Variants in SLC41A2 observed in about 807,000 individuals in gnomAD.
SLC41A2 encodes SLC41A1-like 1.
Under a neutral mutation model 58.3 loss-of-function variants are expected in SLC41A2, and 32 were observed. The observed-to-expected ratio is 0.55, with a 90% CI of 0.41 to 0.74. The LOEUF is 0.74. Among genes scored for constraint, SLC41A2 ranks in the 30% least tolerant of loss-of-function variants. The pLI is 0.00. For synonymous variants in SLC41A2, 190 were observed against 235.0 expected, an observed-to-expected ratio of 0.81 and a Z score of 1.75; for missense variants, 514 against 680.6, an observed-to-expected ratio of 0.76 and a Z score of 2.72.
intron 1 of SLC41A2, among the ~76,000 whole-genome samples, chr12:104,947,587 CTT>C (rs1396480983): frequency 1.3e-5 from 2 of 151,890 alleles, no homozygotes; most frequent in Non-Finnish European, 2.9e-5. Context: ...TTTTATATAA[CTT>C]ATCCTATTTT....
chr12:104,925,637 T>A (rs1020667887), intron 2 of SLC41A2, among the ~76,000 whole-genome samples: 9 of 152,354 alleles, frequency 5.9e-5, no homozygotes, highest in Middle Eastern at 3.4e-3. Flanking sequence ...TCCTTAGGGC[T>A]AGCACTGTAA....
intron 10 of SLC41A2, among the ~76,000 whole-genome samples, chr12:104,818,895 A>AATAC (rs2041522205): frequency 6.6e-6 from 1 of 151,854 alleles, no homozygotes; most frequent in Middle Eastern, 3.2e-3. Flanking sequence ...TAAATAAATA[A>AATAC]ATAAATAAAA....
chr12:104,926,135 CAATG>C (rs2046826397), intron 2 of SLC41A2, among the ~76,000 whole-genome samples: 1 of 151,948 alleles, frequency 6.6e-6, no homozygotes, highest in African/African-American at 2.4e-5. Context: ...AGGGAACAAA[CAATG>C]AAAGATAAGA....
At chr12:104,909,464 T>C (rs979215390) in intron 3 of SLC41A2, among the ~76,000 whole-genome samples, 191 bp downstream of exon 3, 1 of 152,198 alleles carries the variant, frequency 6.6e-6, no homozygotes, top group Non-Finnish European at 1.5e-5. Context: ...AACTACTTCC[T>C]GGGATAAAAG....
At chr12:104,949,219 A>C (rs1337560590) in intron 1 of SLC41A2, among the ~76,000 whole-genome samples, 1 of 152,156 alleles carries the variant, frequency 6.6e-6, no homozygotes, top group Non-Finnish European at 1.5e-5. Context: ...ACTCCGTCTC[A>C]AATAAATAAA....
intron 6 of SLC41A2, among the ~76,000 whole-genome samples, chr12:104,874,226 A>AC (rs1446735869): frequency 6.6e-6 from 1 of 151,530 alleles, no homozygotes; most frequent in Non-Finnish European, 1.5e-5. Flanking sequence ...GGCGCCTGCC[A>AC]CCCTGCCCGG....
At chr12:104,945,045 C>A (rs1386186066) in intron 1 of SLC41A2, among the ~76,000 whole-genome samples, 1 of 151,848 alleles carries the variant, frequency 6.6e-6, no homozygotes, top group African/African-American at 2.4e-5. Flanking sequence ...GTGGTGCACA[C>A]CTGTAATCCC....
At chr12:104,846,102 T>C (rs1420938168) in intron 8 of SLC41A2, 128 bp from the exon 9 acceptor site, 1 of 878,644 alleles carries the variant, frequency 1.1e-6, no homozygotes, top group Admixed American at 2.8e-5. Flanking sequence ...TCTTCTGAAA[T>C]GTTGATCTAT....
chr12:104,954,110 C>T (rs2048059041), intron 1 of SLC41A2, among the ~76,000 whole-genome samples: 1 of 152,074 alleles, frequency 6.6e-6, no homozygotes, highest in African/African-American at 2.4e-5. Context: ...TTTTAACATC[C>T]TCACTTTTAG....
chr12:104,863,274 C>T (rs891247209), intron 7 of SLC41A2, among the ~76,000 whole-genome samples: 1 of 151,934 alleles, frequency 6.6e-6, no homozygotes, highest in African/African-American at 2.4e-5. Context: ...CCTGTCTCTA[C>T]AAAAGAGTAA....
chr12:104,951,002 A>C (rs944639148), intron 1 of SLC41A2, among the ~76,000 whole-genome samples: 7 of 152,290 alleles, frequency 4.6e-5, no homozygotes, highest in African/African-American at 1.7e-4. Context: ...TTGATTCTAC[A>C]TATTTTTATA....
intron 10 of SLC41A2, among the ~76,000 whole-genome samples, chr12:104,821,014 G>C (rs2041613739): frequency 6.6e-6 from 1 of 152,206 alleles, no homozygotes; most frequent in African/African-American, 2.4e-5. Context: ...AAAAAGTCGT[G>C]AGTATAATAA....
At chr12:104,947,660 G>A (rs201018831) in intron 1 of SLC41A2, among the ~76,000 whole-genome samples, 2 of 149,760 alleles carry the variant, frequency 1.3e-5, no homozygotes, top group East Asian at 4.0e-4. Flanking sequence ...ATATATATAT[G>A]TATGCACTGA....
At chr12:104,886,527 A>G (rs2044673335) in intron 5 of SLC41A2, 88 bp from the exon 6 acceptor site, 1 of 1,373,128 alleles carries the variant, frequency 7.3e-7, no homozygotes, top group African/African-American at 1.4e-5. Context: ...ATAGAAAAAC[A>G]GCATATCAAT....
At chr12:104,899,487 C>T (rs1223876927) in intron 3 of SLC41A2, among the ~76,000 whole-genome samples, 1 of 152,088 alleles carries the variant, frequency 6.6e-6, no homozygotes, top group Non-Finnish European at 1.5e-5. Context: ...TCAAACTAGG[C>T]TTTTGTCTCT....
intron 1 of SLC41A2, among the ~76,000 whole-genome samples, chr12:104,932,608 C>T (rs1252513715): frequency 9.0e-6 from 1 of 111,230 alleles, no homozygotes; most frequent in African/African-American, 3.8e-5. Context: ...CTGGGTGACG[C>T]AGTGAGACTT....
intron 6 of SLC41A2, among the ~76,000 whole-genome samples, chr12:104,879,069 A>G (rs1301142463): frequency 6.6e-6 from 1 of 152,276 alleles, no homozygotes; most frequent in South Asian, 2.1e-4. Context: ...GCCAGTGATG[A>G]TGAGCATTTT....
intron 6 of SLC41A2, among the ~76,000 whole-genome samples, chr12:104,877,019 A>G (rs570103118): frequency 6.6e-6 from 1 of 152,342 alleles, no homozygotes; most frequent in Non-Finnish European, 1.5e-5. Context: ...AATTGAGACC[A>G]TAAGACTTTT....
chr12:104,827,634 T>G (rs1464981445), intron 10 of SLC41A2, among the ~76,000 whole-genome samples: 1 of 151,974 alleles, frequency 6.6e-6, no homozygotes, highest in Non-Finnish European at 1.5e-5. Context: ...CTTAACCTTA[T>G]AAAACTTGTT....
Sources: allele counts gnomAD v4.1 joint callset (sites outside exome capture counted in the v4.1 genomes callset), GRCh38; gene constraint gnomAD v4.1.1; transcripts MANE v1.5; gene names NCBI Gene and HGNC (gene_info 2026-07-23, HGNC 2026-07-21).